The following STAT4 variants were observed in gnomAD, a reference collection of about 807,000 sequenced individuals.
STAT4 encodes the protein signal transducer and activator of transcription 4.
STAT4 carries 42 observed loss-of-function variants against 110.5 expected under a neutral mutation model. The observed-to-expected ratio is 0.38, with a 90% CI of 0.30 to 0.49. STAT4 has a LOEUF of 0.49. Ranked by LOEUF, STAT4 falls within the 20% of genes least tolerant of loss-of-function variation. STAT4 has a pLI of 0.95. For missense variants in STAT4, 632 were observed against 887.9 expected, an observed-to-expected ratio of 0.71 and a Z score of 3.66; for synonymous variants, 284 against 302.2, an observed-to-expected ratio of 0.94 and a Z score of 0.63.
Position 191,042,561 on chromosome 2 carries a change from A to T in STAT4, c.1252-1413T>A, listed in dbSNP as rs558808979. On this transcript the variant is annotated intron_variant, in intron 14 of 23. Transcript: ENST00000392320. The surrounding 1 kb of genome is among the most constrained non-coding windows in gnomAD (Gnocchi z 4.2). ...AAGGAAGCATTTTAAAAAAATTATTATTTTGGTTTTTGTGATAAGTGTATT... is the reference window on the plus strand; with the variant it reads ...AAGGAAGCATTTTAAAAAAATTATTTTTTTGGTTTTTGTGATAAGTGTATT... Among the ~76,000 whole-genome samples, 2 of 152,200 alleles carry T rather than the reference A, an allele frequency of 1.3e-5. No homozygotes were observed. Among genetic ancestry groups the T allele is most frequent in the African/African-American group, 4.8e-5 (2 of 41,552 alleles).
At chr2:191,084,467 T>C (rs1697579892) in intron 3 of STAT4, among the ~76,000 whole-genome samples, 1 of 152,082 alleles carries the variant, frequency 6.6e-6, no homozygotes, top group African/African-American at 2.4e-5. Context: ...ACATTACAAT[T>C]AATACATGTA....
Position 191,062,993 on chromosome 2 carries a change from A to C in STAT4, c.783-73T>G. The C allele has an allele frequency of 8.1e-7, 1 of 1,227,590 alleles. No homozygotes were observed. Among genetic ancestry groups the C allele is most frequent in the Non-Finnish European group, 1.1e-6 (1 of 903,772 alleles). The allele number at this position is 1,227,590 out of a possible 1,614,324, so 76.0% of individuals were successfully genotyped here. A position where few individuals can be genotyped will look rare whatever the true frequency, so the allele number is the denominator to read the frequency against. ...TAAAAAAGCATTGTAACAATGGGTC[A>C]TAGTTAATAAACATTAAATTATTAA... On this transcript the variant is annotated intron_variant, in intron 8 of 23. Coordinates refer to ENST00000392320, the MANE Select transcript of STAT4 (RefSeq NM_003151.4). The surrounding 1 kb of genome is among the most constrained non-coding windows in gnomAD (Gnocchi z 4.9).
chr2:191,145,031 C>G (rs1008891284), intron 3 of STAT4, among the ~76,000 whole-genome samples: 7 of 152,026 alleles, frequency 4.6e-5, no homozygotes, highest in African/African-American at 1.7e-4. Context: ...GGACTCTTTA[C>G]TAGTAGGCTA....
At position 191,061,843 on chromosome 2, in the gene STAT4, C is replaced by T. The variant is rs369730231; in HGVS notation, c.942-22G>A. ...TGAGCTAGATGAAAAGGAAATAAAGCGCATCATTTGAAAACACTGAAAATA... is the reference window on the plus strand; with the variant it reads ...TGAGCTAGATGAAAAGGAAATAAAGTGCATCATTTGAAAACACTGAAAATA... On this transcript the variant is annotated intron_variant, in intron 9 of 23. Coordinates refer to ENST00000392320, the MANE Select transcript of STAT4 (RefSeq NM_003151.4). The surrounding 1 kb of genome is among the most constrained non-coding windows in gnomAD (Gnocchi z 6.2). 3.8e-5 allele frequency: 61 copies of T among 1,604,352 alleles called. No homozygotes were observed. The highest frequency in any genetic ancestry group is 1.6e-4 in the East Asian group (7 of 44,712).
In STAT4 at chr2:191,066,373, A is replaced by G. The variant is rs1696986014; in HGVS notation, c.630+57T>C. 14 of 1,443,080 alleles carry G rather than the reference A, an allele frequency of 9.7e-6. 1 individual carries two copies. The South Asian group carries it at 1.4e-4, about 14-fold the overall frequency. 89.4% of individuals were successfully genotyped at this position (1,443,080 alleles called of 1,614,324 possible). ...CAGCTTGATTATTTTCAGTTAGTCT[A>G]AGTTTAGAAAAAAGGAGAAAAATAG... is the stretch of plus-strand genomic sequence containing the variant. On this transcript the variant is annotated intron_variant, in intron 7 of 23. Coordinates refer to ENST00000392320, the MANE Select transcript of STAT4 (RefSeq NM_003151.4). The surrounding 1 kb of genome is among the most constrained non-coding windows in gnomAD (Gnocchi z 4.3).
intron 5 of STAT4, 52 bp from the exon 6 acceptor site, chr2:191,069,823 A>G (rs905765420): frequency 7.3e-7 from 1 of 1,377,552 alleles, no homozygotes; most frequent in Non-Finnish European, 1.0e-6. Context: ...AAGCATGTCA[A>G]TCAAACAACA....
In STAT4 at chr2:191,039,169, T is replaced by C. The variant is rs756967396; in HGVS notation, c.1434+30A>G. 8 of 1,593,572 alleles carry C rather than the reference T, an allele frequency of 5.0e-6. No homozygotes were observed. The highest frequency in any genetic ancestry group is 6.9e-6 in the Non-Finnish European group (8 of 1,161,266). Reference sequence around the variant, plus strand: ...GGCAATAAAACAAATCGAATAGCATTAAAGAAGTTGAGGTAGAAATAGAGT... The same window carrying C: ...GGCAATAAAACAAATCGAATAGCATCAAAGAAGTTGAGGTAGAAATAGAGT... On this transcript the variant is annotated intron_variant, in intron 16 of 23. Coordinates refer to ENST00000392320, the MANE Select transcript of STAT4 (RefSeq NM_003151.4). This position sits in a 1 kb window ranked among gnomAD's most constrained non-coding sequence, Gnocchi z 4.7.
At chr2:191,069,858 T>G in intron 5 of STAT4, 87 bp from the exon 6 acceptor site, 1 of 1,027,316 alleles carries the variant, frequency 9.7e-7, no homozygotes, top group African/African-American at 1.6e-5. Context: ...AAAAACTGCT[T>G]GGTGCTTCCA....
intron 3 of STAT4, among the ~76,000 whole-genome samples, chr2:191,108,474 A>G (rs1698341449): frequency 6.6e-6 from 1 of 152,184 alleles, no homozygotes; most frequent in Non-Finnish European, 1.5e-5. Flanking sequence ...GTTGAGAAAC[A>G]GATTCAGAAA....
chr2:191,069,190 A>G (rs1251892983), intron 6 of STAT4, among the ~76,000 whole-genome samples: 1 of 152,146 alleles, frequency 6.6e-6, no homozygotes, highest in African/African-American at 2.4e-5. Context: ...TTATCTGTAG[A>G]TAGTGCGATT....
rs1207114800 is a variant in STAT4 at position 191,143,788 on chromosome 2, G to C, written c.273+2825C>G. ...GCACAGCGTCAACAGCCTTTTGATA[G>C]GGAATTTTTTTTTTCTTTTTTGTGG... On this transcript the variant is annotated intron_variant, in intron 3 of 23. Coordinates refer to ENST00000392320, the MANE Select transcript of STAT4 (RefSeq NM_003151.4). The surrounding 1 kb of genome is among the most constrained non-coding windows in gnomAD (Gnocchi z 5.6). 1.5e-5 allele frequency among the ~76,000 whole-genome samples: 2 copies of C among 134,236 alleles called. No individual in the cohort carries two copies. Among genetic ancestry groups the C allele is most frequent in the Non-Finnish European group, 3.1e-5 (2 of 64,224 alleles). 88.1% of individuals were successfully genotyped at this position (134,236 alleles called of 152,430 possible).
chr2:191,054,567 A>G (rs1253364857), intron 13 of STAT4, 33 bp from the exon 14 acceptor site: 2 of 1,598,288 alleles, frequency 1.3e-6, no homozygotes, highest in Non-Finnish European at 1.7e-6. Context: ...ATTTAGATGG[A>G]AAAGCATTAT....
Position 191,058,801 on chromosome 2 carries a change from GATAAAA to G in STAT4, c.1035-38_1035-33del, listed in dbSNP as rs758368530. On this transcript the variant is annotated intron_variant, in intron 10 of 23. Coordinates refer to ENST00000392320, the MANE Select transcript of STAT4 (RefSeq NM_003151.4). This position sits in a 1 kb window ranked among gnomAD's most constrained non-coding sequence, Gnocchi z 4.3. ...AGAGATATCAATAAAAAAAATCAAA[GATAAAA>G]ATTAAAAGTGTTTAAAAACCCTTTT... 11 of 1,390,932 alleles carry G rather than the reference GATAAAA, an allele frequency of 7.9e-6. No individual in the cohort carries two copies. The highest frequency in any genetic ancestry group is 1.1e-5 in the Non-Finnish European group (11 of 1,003,270). The allele number at this position is 1,390,932 out of a possible 1,614,324, so 86.2% of individuals were successfully genotyped here.
Position 191,029,907 on chromosome 2 carries a change from G to A in STAT4, c.2221-41C>T, listed in dbSNP as rs200818332. 6.8e-7 allele frequency: 1 copy of A among 1,477,658 alleles called. No homozygotes were observed. The highest frequency in any genetic ancestry group is 9.3e-7 in the Non-Finnish European group (1 of 1,077,232). 91.5% of individuals were successfully genotyped at this position (1,477,658 alleles called of 1,614,324 possible). A position where few individuals can be genotyped will look rare whatever the true frequency, so the allele number is the denominator to read the frequency against. On this transcript the variant is annotated intron_variant, in intron 23 of 23. Coordinates refer to ENST00000392320, the MANE Select transcript of STAT4 (RefSeq NM_003151.4). The surrounding 1 kb of genome is among the most constrained non-coding windows in gnomAD (Gnocchi z 4.5). ...AAAATAATCTTTGAGGAAACTACTG[G>A]TTTTCAAATCAATCACTATTTCTTG...
At chr2:191,070,239 A>G (rs375172142) in intron 5 of STAT4, among the ~76,000 whole-genome samples, 6 of 152,216 alleles carry the variant, frequency 3.9e-5, no homozygotes, top group East Asian at 3.9e-4. Context: ...AAATATGCCT[A>G]TGCTTCTTCT....
intron 3 of STAT4, among the ~76,000 whole-genome samples, chr2:191,111,287 T>C (rs770433260): frequency 1.3e-5 from 2 of 152,222 alleles, no homozygotes; most frequent in African/African-American, 2.4e-5. Flanking sequence ...TTTAGAGATA[T>C]AGTTAACATT....
chr2:191,055,198 C>A (rs1160027390), intron 13 of STAT4, among the ~76,000 whole-genome samples: 1 of 151,038 alleles, frequency 6.6e-6, no homozygotes, highest in Non-Finnish European at 1.5e-5. Context: ...TAAAATTTTT[C>A]TTTTTTTTCT....
chr2:191,122,694 G>C (rs1262437455), intron 3 of STAT4, among the ~76,000 whole-genome samples: 1 of 152,076 alleles, frequency 6.6e-6, no homozygotes. Flanking sequence ...ACAAAACAAA[G>C]AAAAATACAC....
intron 14 of STAT4, among the ~76,000 whole-genome samples, chr2:191,054,059 C>A (rs1295842818): frequency 6.8e-6 from 1 of 146,322 alleles, no homozygotes; most frequent in African/African-American, 2.5e-5. Flanking sequence ...GCCTGGGAGG[C>A]GAAAGCTGCA....
Sources: gnomAD v4.1 joint callset for allele counts (sites outside exome capture counted in the v4.1 genomes callset) on GRCh38, gnomAD v4.1.1 for gene constraint, Gnocchi (gnomAD v3.1) non-coding constraint, MANE v1.5 for transcripts, NCBI Gene and HGNC (gene_info 2026-07-23, HGNC 2026-07-21) for gene names.